The following CMYA5 variants were observed in gnomAD, a reference collection of about 807,000 sequenced individuals.
The protein encoded by CMYA5 is cardiomyopathy associated 5.
In CMYA5, 246 loss-of-function variants were observed where a neutral mutation model predicts 318.9. The ratio of observed to expected loss-of-function variants is 0.77; its 90% CI spans 0.70 to 0.86. The LOEUF (loss-of-function observed/expected upper bound fraction) is 0.86, where lower values mean the gene tolerates loss of function less well. Among genes scored for constraint, CMYA5 ranks in the 40% least tolerant of loss-of-function variants. CMYA5 has a pLI of 0.00. For synonymous variants in CMYA5, 1,641 were observed against 1,729.5 expected, an observed-to-expected ratio of 0.95 and a Z score of 1.27; for missense variants, 4,589 against 4,678.2, an observed-to-expected ratio of 0.98 and a Z score of 0.56.
chr5:79,717,765 A>C (rs891574728), intron 1 of CMYA5, among the ~76,000 whole-genome samples: 1 of 152,208 alleles, frequency 6.6e-6, no homozygotes, highest in African/African-American at 2.4e-5. Flanking sequence ...TAGTATATCT[A>C]CAAAATGAAC....
rs559231556 is a variant in CMYA5, at chr5:79,741,662, G to A, written c.10639-2165G>A. ...ACAGTGGAAGTGGGCCCCATTCTGC[G>A]GTGATACTTTGTTTTAACTCACAAC... is the stretch of plus-strand genomic sequence containing the variant. On this transcript the variant is annotated intron_variant, in intron 2 of 12. Coordinates refer to ENST00000446378, the MANE Select transcript of CMYA5 (RefSeq NM_153610.5). Among the ~76,000 whole-genome samples the A allele has an allele frequency of 6.6e-5, 10 of 152,124 alleles. No homozygotes were observed. In the South Asian group the frequency reaches 1.9e-3, roughly 28 times the overall value.
chr5:79,734,472 G>T lies in CMYA5; in HGVS notation c.5707G>T (p.Ala1903Ser), dbSNP rs1561210019. 6.2e-7 allele frequency: 1 copy of T among 1,613,532 alleles called. No individual in the cohort carries two copies. The highest frequency in any genetic ancestry group is 8.5e-7 in the Non-Finnish European group (1 of 1,179,768). ...NWMLGKPENV[A>S]SQHEQRIAGS... ...GATGTTGGGAAAGCCAGAAAATGTG[G>T]CTAGTCAACACGAACAGAGAATAGC... The change falls in exon 2 of 13, where the codon GCT becomes TCT. Residue 1903 changes from alanine to serine, a missense_variant. Ala to Ser is a moderately conservative substitution (Grantham distance 99, BLOSUM62 1). Transcript: ENST00000446378.
chr5:79,713,623 A>T (rs1379766600), intron 1 of CMYA5, among the ~76,000 whole-genome samples: 2 of 152,212 alleles, frequency 1.3e-5, no homozygotes, highest in South Asian at 4.2e-4. Flanking sequence ...CAAGACCTGA[A>T]TAGATAGATA....
chr5:79,755,358 C>T (rs1828507168), intron 6 of CMYA5, among the ~76,000 whole-genome samples: 1 of 152,126 alleles, frequency 6.6e-6, no homozygotes, highest in Admixed American at 6.5e-5. Flanking sequence ...ACCATCTCGG[C>T]TCACTGCAAC....
In CMYA5 at chr5:79,739,318, G is replaced by T; in HGVS notation, c.10553G>T (p.Cys3518Phe). The T allele has an allele frequency of 6.3e-7, 1 of 1,591,302 alleles. No homozygotes were observed. Among genetic ancestry groups the T allele is most frequent in the South Asian group, 1.1e-5 (1 of 87,160 alleles). ...QIDTYCYTCKCPISATDKVFG... is the reference protein window; with the variant it reads ...QIDTYCYTCKFPISATDKVFG... ...GACACATACTGTTACACCTGCAAAT[G>T]TCCAATTTCTGCCACTGACAAGGTG... Residue 3518 changes from cysteine (C) to phenylalanine (F), a missense_variant, in exon 2 of 13, where the codon TGT (cysteine) becomes TTT (phenylalanine). Transcript: ENST00000446378.
In CMYA5 at chr5:79,788,487, A is replaced by G. The variant is rs543393619; in HGVS notation, c.11556-484A>G. Among the ~76,000 whole-genome samples, 232 of 144,906 alleles carry G rather than the reference A, an allele frequency of 1.6e-3. 1 individual carries two copies. Among genetic ancestry groups the G allele is most frequent in the African/African-American group, 5.8e-3 (225 of 39,120 alleles). On this transcript the variant is annotated intron_variant, in intron 9 of 12. Transcript: ENST00000446378. ...GAGAATTTTTTTTTTTTTTTTTTGC[A>G]ATTAGAATTCTCTTTTCTTGCCAAG...
At chr5:79,746,429 A>T (rs369323642) in intron 4 of CMYA5, among the ~76,000 whole-genome samples, 2 of 152,198 alleles carry the variant, frequency 1.3e-5, no homozygotes, top group East Asian at 3.9e-4. Context: ...CTTCTTATTC[A>T]TAAATTGGGC....
chr5:79,726,909 A>ATTTTTTTTT (rs34198193), intron 1 of CMYA5, among the ~76,000 whole-genome samples: 1,741 of 95,992 alleles, frequency 0.018, 262 homozygotes, highest in African/African-American at 0.078. Flanking sequence ...TAGGCCAGTG[A>ATTTTTTTTT]TTTTTTTTTT....
At chr5:79,744,272 A>G (rs1445824319) in intron 3 of CMYA5, among the ~76,000 whole-genome samples, 2 of 152,254 alleles carry the variant, frequency 1.3e-5, no homozygotes, top group Non-Finnish European at 2.9e-5. Context: ...ACCAAGTCTT[A>G]GAGTACATTC....
At chr5:79,754,468 G>A (rs1828490752) in intron 6 of CMYA5, among the ~76,000 whole-genome samples, 1 of 152,150 alleles carries the variant, frequency 6.6e-6, no homozygotes, top group African/African-American at 2.4e-5. Flanking sequence ...TGAGGAAAGA[G>A]AGGAACAGAA....
At chr5:79,797,003 T>C (rs1012775240) in intron 12 of CMYA5, among the ~76,000 whole-genome samples, 25 of 152,232 alleles carry the variant, frequency 1.6e-4, no homozygotes, top group African/African-American at 5.5e-4. Flanking sequence ...TAGATTCATA[T>C]AAGCTGCACA....
intron 1 of CMYA5, among the ~76,000 whole-genome samples, chr5:79,719,125 G>T (rs1337699411): frequency 1.3e-5 from 2 of 152,022 alleles, no homozygotes; most frequent in Non-Finnish European, 1.5e-5. Context: ...AAGAATGAGA[G>T]AATCAATTCA....
intron 5 of CMYA5, among the ~76,000 whole-genome samples, chr5:79,751,275 GTC>G (rs1828426097): frequency 6.6e-6 from 1 of 152,186 alleles, no homozygotes; most frequent in African/African-American, 2.4e-5. Context: ...ATCCCTGACT[GTC>G]TGTGTTTCCC....
intron 9 of CMYA5, among the ~76,000 whole-genome samples, chr5:79,784,541 C>T (rs1440049430): frequency 2.2e-5 from 2 of 92,322 alleles, no homozygotes; most frequent in East Asian, 3.0e-4. Context: ...GCAGTTTGAT[C>T]TCAGACTGCT....
chr5:79,696,888 TC>T (rs1259365652), intron 1 of CMYA5, among the ~76,000 whole-genome samples: 1 of 151,956 alleles, frequency 6.6e-6, no homozygotes, highest in African/African-American at 2.4e-5. Flanking sequence ...GTGCCTGTAA[TC>T]CCAGCTACTT....
chr5:79,761,966 A>T lies in CMYA5; in HGVS notation c.11407+9A>T, dbSNP rs1712135824. The T allele has an allele frequency of 1.2e-6, 2 of 1,610,364 alleles. No individual in the cohort carries two copies. The highest frequency in any genetic ancestry group is 1.7e-6 in the Non-Finnish European group (2 of 1,178,584). Reference sequence around the variant, plus strand: ...GGCCATCTTTAGGACAGGTAAGGAGATGGATGCTAAGGGTGCATTAGAAGA... The same window carrying T: ...GGCCATCTTTAGGACAGGTAAGGAGTTGGATGCTAAGGGTGCATTAGAAGA... On this transcript the variant is annotated intron_variant, in intron 8 of 12. Transcript: ENST00000446378.
intron 4 of CMYA5, 116 bp downstream of exon 4, chr5:79,745,571 A>C (rs1828307198): frequency 4.1e-6 from 3 of 735,636 alleles, no homozygotes; most frequent in Non-Finnish European, 2.3e-6. Flanking sequence ...TGGGATTTAT[A>C]TAATTCTGGC....
intron 1 of CMYA5, among the ~76,000 whole-genome samples, chr5:79,699,176 C>CAACAAA (rs1554097904): frequency 6.6e-6 from 1 of 151,588 alleles, no homozygotes; most frequent in Non-Finnish European, 1.5e-5. Flanking sequence ...ACAACAACAA[C>CAACAAA]AAAAAAAGAA....
At chr5:79,692,751 A>G (rs1026634694) in intron 1 of CMYA5, among the ~76,000 whole-genome samples, 10 of 152,166 alleles carry the variant, frequency 6.6e-5, no homozygotes, top group African/African-American at 2.4e-4. Context: ...CTTTTATTCC[A>G]TCAGATGAGT....
Sources: gnomAD v4.1 joint callset for allele counts (sites outside exome capture counted in the v4.1 genomes callset) on GRCh38, gnomAD v4.1.1 for gene constraint, MANE v1.5 for transcripts, NCBI Gene and HGNC (gene_info 2026-07-23, HGNC 2026-07-21) for gene names.